Variants in DPP6 observed in about 807,000 individuals in gnomAD.
DPP6 encodes the protein A-type potassium channel modulatory protein DPP6.
DPP6 carries 69 observed loss-of-function variants against 122.6 expected under a neutral mutation model. The observed-to-expected ratio is 0.56, with a 90% CI of 0.46 to 0.69. DPP6 has a LOEUF of 0.69. Ranked by LOEUF, DPP6 falls within the 30% of genes least tolerant of loss-of-function variation. The pLI, the probability that DPP6 is intolerant of heterozygous loss-of-function variation, is 0.00. For missense variants in DPP6, 928 were observed against 1,116.9 expected (o/e 0.83, Z 2.41); for synonymous variants, 418 against 433.1 (o/e 0.97, Z 0.43).
At chr7:154,743,783 A>G (rs1290869616) in intron 8 of DPP6, among the ~76,000 whole-genome samples, 3 of 151,896 alleles carry the variant, frequency 2.0e-5, no homozygotes, top group Non-Finnish European at 4.4e-5. Flanking sequence ...GATTGGTTCC[A>G]GGACCCCTGA....
At chr7:154,293,231 G>A (rs1805320210) in intron 1 of DPP6, among the ~76,000 whole-genome samples, 1 of 152,138 alleles carries the variant, frequency 6.6e-6, no homozygotes, top group South Asian at 2.1e-4. Flanking sequence ...GATGAATGAC[G>A]GAATCTAGCT....
intron 1 of DPP6, among the ~76,000 whole-genome samples, chr7:154,400,426 G>T (rs546486690): frequency 6.6e-6 from 1 of 152,324 alleles, no homozygotes; most frequent in African/African-American, 2.4e-5. Flanking sequence ...TTGGACCCAA[G>T]AATCTTTTTA....
At chr7:154,647,093 C>G (rs1228279182) in intron 6 of DPP6, among the ~76,000 whole-genome samples, 2 of 152,114 alleles carry the variant, frequency 1.3e-5, no homozygotes, top group Non-Finnish European at 2.9e-5. Flanking sequence ...TGGGGGACCC[C>G]ATAAATGTTG....
intron 3 of DPP6, among the ~76,000 whole-genome samples, chr7:154,482,115 A>T (rs972432091): frequency 1.3e-5 from 2 of 152,224 alleles, no homozygotes; most frequent in Non-Finnish European, 2.9e-5. Flanking sequence ...GAAGGTGAGG[A>T]TCATGCAGAT....
At chr7:153,796,874 A>G in the DPP6 span, among the ~76,000 whole-genome samples, 4 of 152,198 alleles carry the variant, frequency 2.6e-5, no homozygotes, top group Non-Finnish European at 5.9e-5. Flanking sequence ...GACTGGGTTT[A>G]GTGACTTGCT....
intron 2 of DPP6, among the ~76,000 whole-genome samples, chr7:154,454,920 A>G (rs1820695371): frequency 6.6e-6 from 1 of 152,114 alleles, no homozygotes; most frequent in Non-Finnish European, 1.5e-5. Context: ...TGTCAGCCAA[A>G]ATATTTTTGT....
At chr7:154,757,841 A>C (rs531294908) in intron 8 of DPP6, among the ~76,000 whole-genome samples, 1 of 152,322 alleles carries the variant, frequency 6.6e-6, no homozygotes, top group Admixed American at 6.5e-5. Flanking sequence ...AGAGGGCCCA[A>C]GTGTCATCTG....
At chr7:154,457,088 C>T (rs1300630631) in intron 2 of DPP6, among the ~76,000 whole-genome samples, 1 of 68,850 alleles carries the variant, frequency 1.5e-5, no homozygotes, top group African/African-American at 4.8e-5. Flanking sequence ...TTTTGAAATA[C>T]GTCCCATCAA....
At chr7:154,252,259 G>A (rs1311633387) in intron 1 of DPP6, among the ~76,000 whole-genome samples, 1 of 148,836 alleles carries the variant, frequency 6.7e-6, no homozygotes, top group African/African-American at 2.6e-5. Context: ...CGGTGGTGGT[G>A]GTTGTGATGA....
the DPP6 span, among the ~76,000 whole-genome samples, chr7:153,876,674 A>T: frequency 6.6e-6 from 1 of 152,066 alleles, no homozygotes; most frequent in Non-Finnish European, 1.5e-5. Context: ...TTGCTTAATG[A>T]CAGGATACTT....
In DPP6 at chr7:154,463,195, C is replaced by CTTTTTTT. The variant is rs368362408; in HGVS notation, c.359-11720_359-11714dup. Among the ~76,000 whole-genome samples, 219 of 84,120 alleles carry CTTTTTTT rather than the reference C, an allele frequency of 2.6e-3. 17 individuals carry two copies. Among genetic ancestry groups the CTTTTTTT allele is most frequent in the Non-Finnish European group, 4.1e-3 (171 of 41,520 alleles). The allele number at this position is 84,120 out of a possible 152,430, so 55.2% of individuals were successfully genotyped here. A position where few individuals can be genotyped will look rare whatever the true frequency, so the allele number is the denominator to read the frequency against. On this transcript the variant is annotated intron_variant, in intron 2 of 25. Coordinates refer to ENST00000377770, the MANE Select transcript of DPP6 (RefSeq NM_130797.4). The stretch of plus-strand genomic sequence containing the variant: ...GCTTTTTACCTTTACTTCTCCTTTT[C>CTTTTTTT]TTTTTTTTTTTTTTTTTTTTTTTTT...
Position 154,773,000 on chromosome 7 carries a change from T to A in DPP6, c.1136+58T>A, listed in dbSNP as rs375896471. 4.5e-4 allele frequency: 674 copies of A among 1,488,958 alleles called. 1 individual carries two copies. Among genetic ancestry groups the A allele is most frequent in the Non-Finnish European group, 5.5e-4 (621 of 1,120,618 alleles). 92.2% of individuals were successfully genotyped at this position (1,488,958 alleles called of 1,614,324 possible). On this transcript the variant is annotated intron_variant, in intron 10 of 25. Coordinates refer to ENST00000377770, the MANE Select transcript of DPP6 (RefSeq NM_130797.4). The stretch of plus-strand genomic sequence containing the variant: ...AAAAAAAACTAAGATGAATGTTCAA[T>A]GTGCATGGTCTCTTCTGGATCAGAT...
chr7:153,908,550 G>C (rs1008011162), intron 1 of DPP6, among the ~76,000 whole-genome samples: 1 of 152,114 alleles, frequency 6.6e-6, no homozygotes, highest in Non-Finnish European at 1.5e-5. Context: ...TGATAAGAGA[G>C]AGACCTCATT....
In DPP6 at chr7:154,052,515, G is replaced by A; in HGVS notation, c.-306G>A. On this transcript the variant is annotated 5_prime_UTR_variant, in exon 1 of 26. Transcript: ENST00000377770. The surrounding 1 kb of genome is among the most constrained non-coding windows in gnomAD (Gnocchi z 4.8). ...CTTTGATTAGGCCGTACGTGGCTGT[G>A]GCAAGGAGTTGGGGAAAAAAATTAT... 1.5e-6 allele frequency: 1 copy of A among 647,026 alleles called. No homozygotes were observed. Among genetic ancestry groups the A allele is most frequent in the Non-Finnish European group, 2.0e-6 (1 of 491,008 alleles). The allele number at this position is 647,026 out of a possible 1,614,324, so 40.1% of individuals were successfully genotyped here.
At chr7:154,831,822 T>C (rs1471090797) in intron 16 of DPP6, among the ~76,000 whole-genome samples, 2 of 152,188 alleles carry the variant, frequency 1.3e-5, no homozygotes, top group African/African-American at 4.8e-5. Flanking sequence ...GCCTTACTTA[T>C]TGTCAGAAAG....
the DPP6 span, among the ~76,000 whole-genome samples, chr7:153,825,389 C>A: frequency 6.6e-6 from 1 of 152,048 alleles, no homozygotes; most frequent in Non-Finnish European, 1.5e-5. Context: ...CCTCTGACTT[C>A]CCCAGAGATT....
intron 1 of DPP6, among the ~76,000 whole-genome samples, chr7:154,284,812 G>A (rs1804747341): frequency 6.6e-6 from 1 of 152,198 alleles, no homozygotes; most frequent in South Asian, 2.1e-4. Context: ...CAAAGACTGG[G>A]CCACTGCACT....
intron 7 of DPP6, among the ~76,000 whole-genome samples, chr7:154,676,730 C>T (rs1225488350): frequency 6.6e-6 from 1 of 152,216 alleles, no homozygotes; most frequent in Non-Finnish European, 1.5e-5. Context: ...TGTACACAGG[C>T]CCAGTGGACA....
At chr7:154,555,702 A>G (rs1274980376) in intron 4 of DPP6, among the ~76,000 whole-genome samples, 1 of 152,076 alleles carries the variant, frequency 6.6e-6, no homozygotes, top group African/African-American at 2.4e-5. Context: ...CAAGAAATAT[A>G]TTATGAAATC....
Sources: gnomAD v4.1 joint callset for allele counts (sites outside exome capture counted in the v4.1 genomes callset) on GRCh38, gnomAD v4.1.1 for gene constraint, Gnocchi (gnomAD v3.1) non-coding constraint, MANE v1.5 for transcripts, NCBI Gene and HGNC (gene_info 2026-07-23, HGNC 2026-07-21) for gene names.